The following DCC variants were observed in gnomAD, a reference collection of about 807,000 sequenced individuals.
DCC encodes the protein DCC netrin 1 receptor.
DCC carries 58 observed loss-of-function variants against 172.5 expected under a neutral mutation model. The observed-to-expected ratio is 0.34, with a 90% CI of 0.27 to 0.42. DCC has a LOEUF of 0.42. DCC is among the 10% of genes least tolerant of loss of function. The pLI, the probability that DCC is intolerant of heterozygous loss-of-function variation, is 1.00. For synonymous variants in DCC, 709 were observed against 644.5 expected (o/e 1.10, Z -1.52); for missense variants, 1,740 against 1,791.0 (o/e 0.97, Z 0.51).
intron 15 of DCC, among the ~76,000 whole-genome samples, chr18:53,369,424 G>T (rs1482681022): frequency 6.6e-6 from 1 of 151,776 alleles, no homozygotes; most frequent in Non-Finnish European, 1.5e-5. Context: ...TTTATCATCT[G>T]CAAACAATAA....
intron 1 of DCC, among the ~76,000 whole-genome samples, chr18:52,668,325 T>C (rs923429273): frequency 1.3e-5 from 2 of 152,160 alleles, no homozygotes; most frequent in African/African-American, 4.8e-5. Context: ...TTTGGGAGAA[T>C]AAGCTAATAA....
chr18:52,533,945 G>T (rs1205683313), intron 1 of DCC, among the ~76,000 whole-genome samples: 1 of 152,002 alleles, frequency 6.6e-6, no homozygotes. Context: ...ATTCTGGTAA[G>T]TAGGTAGTGA....
chr18:52,437,828 G>C (rs1242195448), intron 1 of DCC, among the ~76,000 whole-genome samples: 1 of 152,152 alleles, frequency 6.6e-6, no homozygotes, highest in African/African-American at 2.4e-5. Flanking sequence ...TTAAAATTTA[G>C]AACATCTTCT....
intron 1 of DCC, among the ~76,000 whole-genome samples, chr18:52,350,747 T>G (rs1984083599): frequency 6.6e-6 from 1 of 152,182 alleles, no homozygotes; most frequent in African/African-American, 2.4e-5. Context: ...CTAAATTGAT[T>G]GGACCAAAAA....
intron 1 of DCC, among the ~76,000 whole-genome samples, chr18:52,694,040 C>T (rs1162398302): frequency 6.6e-6 from 1 of 152,004 alleles, no homozygotes; most frequent in African/African-American, 2.4e-5. Context: ...CTGGCTTGAT[C>T]AGTGATCAAG....
At chr18:52,551,200 T>A (rs1343054564) in intron 1 of DCC, among the ~76,000 whole-genome samples, 1 of 151,932 alleles carries the variant, frequency 6.6e-6, no homozygotes, top group Admixed American at 6.6e-5. Context: ...AGAGCGGACA[T>A]AATGGGCACT....
Position 52,450,685 on chromosome 18 carries a change from TG to T in DCC, c.91+109808del, listed in dbSNP as rs1481796688. Among the ~76,000 whole-genome samples, 3 of 152,270 alleles carry T rather than the reference TG, an allele frequency of 2.0e-5. No homozygotes were observed. In the East Asian group the frequency reaches 5.8e-4, roughly 29 times the overall value. ...CAGGAAGATAGAACTTCATCCATTT[TG>T]TTCACCAATATGTCTCCTGGGCCTA... On this transcript the variant is annotated intron_variant, in intron 1 of 28. Coordinates refer to ENST00000442544, the MANE Select transcript of DCC (RefSeq NM_005215.4).
chr18:52,613,990 C>T (rs1412812812), intron 1 of DCC, among the ~76,000 whole-genome samples: 2 of 152,164 alleles, frequency 1.3e-5, no homozygotes, highest in South Asian at 2.1e-4. Flanking sequence ...GTGTTTGTGC[C>T]GGGATGTTAA....
intron 5 of DCC, among the ~76,000 whole-genome samples, chr18:53,054,898 T>C (rs893573169): frequency 7.2e-5 from 11 of 152,166 alleles, no homozygotes; most frequent in Non-Finnish European, 1.5e-4. Context: ...TATTAAAATA[T>C]TGTCATTGCC....
At chr18:52,723,496 C>G (rs1304551475) in intron 1 of DCC, among the ~76,000 whole-genome samples, 1 of 152,128 alleles carries the variant, frequency 6.6e-6, no homozygotes, top group African/African-American at 2.4e-5. Context: ...TAGAAAAGAG[C>G]AGGTTTGGCT....
chr18:53,486,410 C>A lies in DCC; in HGVS notation c.3737-387C>A, dbSNP rs1450054638. ...CCCAACATTTTTTCAACCCACTCTA[C>A]ACAATATATTTGATTTGTGAACAAC... On this transcript the variant is annotated intron_variant, in intron 25 of 28. Coordinates refer to ENST00000442544, the MANE Select transcript of DCC (RefSeq NM_005215.4). Among the ~76,000 whole-genome samples the A allele has an allele frequency of 8.5e-5, 13 of 152,186 alleles. 1 individual carries two copies. Among genetic ancestry groups the A allele is most frequent in the Admixed American group, 8.5e-4 (13 of 15,278 alleles).
chr18:53,244,100 G>C (rs982162668), intron 12 of DCC, among the ~76,000 whole-genome samples: 1 of 152,074 alleles, frequency 6.6e-6, no homozygotes, highest in African/African-American at 2.4e-5. Context: ...AGATGTGACG[G>C]ATTTTTCAAT....
intron 7 of DCC, among the ~76,000 whole-genome samples, chr18:53,076,553 T>C (rs2042727466): frequency 6.6e-6 from 1 of 152,182 alleles, no homozygotes; most frequent in Non-Finnish European, 1.5e-5. Flanking sequence ...GCAATGCATT[T>C]ATGCCTATAC....
At chr18:52,603,217 C>T (rs1378784150) in intron 1 of DCC, among the ~76,000 whole-genome samples, 1 of 152,004 alleles carries the variant, frequency 6.6e-6, no homozygotes, top group African/African-American at 2.4e-5. Context: ...CCAAGACATA[C>T]TAAAATTTGA....
intron 19 of DCC, among the ~76,000 whole-genome samples, chr18:53,404,757 TAA>T (rs143351711): frequency 1.4e-5 from 2 of 148,052 alleles, no homozygotes; most frequent in African/African-American, 5.0e-5. Flanking sequence ...AATAAAAAAT[TAA>T]AAAAAAAAGA....
chr18:53,525,165 C>G (rs1236292273), intron 27 of DCC, among the ~76,000 whole-genome samples: 1 of 151,896 alleles, frequency 6.6e-6, no homozygotes, highest in Non-Finnish European at 1.5e-5. Context: ...AAAAACAGGC[C>G]AAGACAGGTT....
chr18:52,376,962 T>G (rs879607532), intron 1 of DCC, among the ~76,000 whole-genome samples: 1 of 152,180 alleles, frequency 6.6e-6, no homozygotes, highest in Non-Finnish European at 1.5e-5. Context: ...AGGTCAGACC[T>G]TCCAGCAGCG....
chr18:53,120,211 G>A (rs1392706929), intron 7 of DCC, among the ~76,000 whole-genome samples: 1 of 151,720 alleles, frequency 6.6e-6, no homozygotes, highest in East Asian at 2.0e-4. Flanking sequence ...GAAACTTCAT[G>A]GTTTGTTAAT....
At chr18:52,887,294 C>A (rs116801138) in intron 2 of DCC, among the ~76,000 whole-genome samples, 2,608 of 152,014 alleles carry the variant, frequency 0.017, 54 homozygotes, top group African/African-American at 0.046. Context: ...CATTTAGAAA[C>A]AATCATCAAT....
Sources: allele counts gnomAD v4.1 joint callset (sites outside exome capture counted in the v4.1 genomes callset), GRCh38; gene constraint gnomAD v4.1.1; transcripts MANE v1.5; gene names NCBI Gene and HGNC (gene_info 2026-07-23, HGNC 2026-07-21).